Variants in MGAT4D observed in about 807,000 individuals in gnomAD.
MGAT4D encodes alpha-1,3-mannosyl-glycoprotein 4-beta-N-acetylglucosaminyltransferase-like protein MGAT4D.
A neutral mutation model predicts 15.9 loss-of-function variants in MGAT4D; 34 were observed. The ratio of observed to expected loss-of-function variants is 2.14; its 90% CI spans 1.62 to 2.84. MGAT4D has a LOEUF of 2.84. MGAT4D is among the 30% of genes most tolerant of loss of function. The probability of loss-of-function intolerance (pLI) is 0.00; values close to 1 mark genes in which losing one functional copy is unlikely to be tolerated. For missense variants in MGAT4D, 327 were observed against 140.2 expected, an observed-to-expected ratio of 2.33 and a Z score of -6.73; for synonymous variants, 112 against 48.2, an observed-to-expected ratio of 2.33 and a Z score of -5.49.
intron 8 of MGAT4D, chr4:140,459,043 G>T (rs1476183838): frequency 6.6e-6 from 1 of 152,112 alleles, no homozygotes; most frequent in East Asian, 1.9e-4. Context: ...ATAGTATTTG[G>T]AAATTTTCTG....
chr4:140,496,929 G>A lies in MGAT4D; in HGVS notation c.94+1200C>T, dbSNP rs550300939. Among the ~76,000 whole-genome samples the A allele has an allele frequency of 2.4e-4, 36 of 152,228 alleles. No individual in the cohort carries two copies. The South Asian group carries it at 7.5e-3, about 32-fold the overall frequency. On this transcript the variant is annotated intron_variant, in intron 1 of 10. Coordinates refer to ENST00000511113, the MANE Select transcript of MGAT4D (RefSeq NM_001277353.2). The stretch of plus-strand genomic sequence containing the variant: ...TATAAGTGTGCTTATTGTTCATTGT[G>A]CTAAAATAGACATTTGGATGATGTT...
At chr4:140,453,082 G>C (rs750852510) in intron 9 of MGAT4D, among the ~76,000 whole-genome samples, 3 of 152,074 alleles carry the variant, frequency 2.0e-5, no homozygotes, top group Non-Finnish European at 2.9e-5. Flanking sequence ...TTTCTGGACT[G>C]CCTATTCTGC....
intron 5 of MGAT4D, among the ~76,000 whole-genome samples, chr4:140,465,733 C>A (rs1731490583): frequency 6.6e-6 from 1 of 152,080 alleles, no homozygotes; most frequent in South Asian, 2.1e-4. Context: ...TTATTTTGTA[C>A]TACATAAAAA....
At chr4:140,464,332 G>A (rs936277463) in intron 6 of MGAT4D, among the ~76,000 whole-genome samples, 1 of 152,122 alleles carries the variant, frequency 6.6e-6, no homozygotes, top group African/African-American at 2.4e-5. Context: ...TCCTTTGTAT[G>A]TGTATAGAGC....
At chr4:140,450,670 T>C (rs1334079199) in intron 10 of MGAT4D, among the ~76,000 whole-genome samples, 1 of 152,196 alleles carries the variant, frequency 6.6e-6, no homozygotes, top group Non-Finnish European at 1.5e-5. Context: ...CTCATTCAGT[T>C]GACAAAGGAT....
chr4:140,491,889 A>G (rs1733525407), intron 1 of MGAT4D, among the ~76,000 whole-genome samples: 1 of 151,706 alleles, frequency 6.6e-6, no homozygotes. Context: ...CCACAAGGGA[A>G]GCACAAGAAA....
chr4:140,475,191 A>G (rs575543915), intron 3 of MGAT4D, among the ~76,000 whole-genome samples: 13 of 152,172 alleles, frequency 8.5e-5, no homozygotes, highest in Non-Finnish European at 1.8e-4. Flanking sequence ...TTCTTATGTT[A>G]AAAGATTTTG....
chr4:140,445,842 A>G (rs1025397786), intron 10 of MGAT4D, among the ~76,000 whole-genome samples: 2 of 151,998 alleles, frequency 1.3e-5, no homozygotes, highest in African/African-American at 2.4e-5. Context: ...ATGGCTGTAG[A>G]TGTGTGGCAT....
Position 140,467,782 on chromosome 4 carries a change from G to A in MGAT4D, c.573-2773C>T, listed in dbSNP as rs568213033. Among the ~76,000 whole-genome samples, 7 of 152,140 alleles carry A rather than the reference G, an allele frequency of 4.6e-5. No individual in the cohort carries two copies. The East Asian group carries it at 7.7e-4, about 17-fold the overall frequency. ...ATGATTTTACCTTATAGTCATACAA[G>A]AGTGGAAATCTTACAACTCTATAGG... On this transcript the variant is annotated intron_variant, in intron 5 of 10. Transcript: ENST00000511113.
At position 140,462,057 on chromosome 4, in the gene MGAT4D, A is replaced by G. The variant is rs1731224749; in HGVS notation, c.687-53T>C. 6 of 676,504 alleles carry G rather than the reference A, an allele frequency of 8.9e-6. No homozygotes were observed. The South Asian group carries it at 9.7e-5, about 11-fold the overall frequency. 41.9% of individuals were successfully genotyped at this position (676,504 alleles called of 1,614,324 possible). A position where few individuals can be genotyped will look rare whatever the true frequency, so the allele number is the denominator to read the frequency against. On this transcript the variant is annotated intron_variant, in intron 6 of 10. Transcript: ENST00000511113. ...TATTTGTCATTATTAATTTTTATTT[A>G]TAAGCATACTTTAGTAATTAAAAAA...
chr4:140,444,559 T>C (rs1160541240), intron 10 of MGAT4D, among the ~76,000 whole-genome samples: 2 of 152,240 alleles, frequency 1.3e-5, no homozygotes, highest in Non-Finnish European at 2.9e-5. Context: ...TCTCGTTCTT[T>C]TTTATGGCTG....
intron 2 of MGAT4D, among the ~76,000 whole-genome samples, chr4:140,480,861 A>G (rs1732670170): frequency 6.6e-6 from 1 of 151,938 alleles, no homozygotes; most frequent in Non-Finnish European, 1.5e-5. Context: ...CCTTGAGCTC[A>G]GGAGGTGGAG....
chr4:140,494,204 A>G (rs1733687740), intron 1 of MGAT4D, among the ~76,000 whole-genome samples: 1 of 152,312 alleles, frequency 6.6e-6, no homozygotes, highest in East Asian at 1.9e-4. Context: ...CTTAATTATC[A>G]TCTCCAGGTG....
chr4:140,482,525 A>G, intron 1 of MGAT4D, 40 bp from the exon 2 acceptor site: 1 of 573,174 alleles, frequency 1.7e-6, no homozygotes. Context: ...ACATGTAGCA[A>G]TGGTGTCACA....
At chr4:140,449,474 T>C (rs1350915961) in intron 10 of MGAT4D, among the ~76,000 whole-genome samples, 1 of 152,198 alleles carries the variant, frequency 6.6e-6, no homozygotes, top group African/African-American at 2.4e-5. Flanking sequence ...AAAAATTTTA[T>C]CATGGCCAGG....
chr4:140,462,356 T>C (rs1051292992), intron 6 of MGAT4D: 2 of 169,570 alleles, frequency 1.2e-5, no homozygotes, highest in Non-Finnish European at 1.3e-5. Context: ...CTTTTTTCAA[T>C]GTCTCTACTA....
intron 10 of MGAT4D, among the ~76,000 whole-genome samples, chr4:140,444,653 G>C (rs1342702883): frequency 6.6e-6 from 1 of 152,112 alleles, no homozygotes; most frequent in African/African-American, 2.4e-5. Context: ...CTGTGTCTTT[G>C]CTATTGTGAA....
At chr4:140,452,652 C>G (rs1179791602) in intron 9 of MGAT4D, among the ~76,000 whole-genome samples, 1 of 152,116 alleles carries the variant, frequency 6.6e-6, no homozygotes, top group African/African-American at 2.4e-5. Context: ...TATACATATA[C>G]TGAATACATG....
intron 7 of MGAT4D, 26 bp from the exon 8 acceptor site, chr4:140,459,652 T>A: frequency 2.4e-6 from 1 of 418,624 alleles, no homozygotes; most frequent in Non-Finnish European, 4.3e-6. Context: ...CAAAAAGACA[T>A]TAATATCTTT....
Sources: allele counts gnomAD v4.1 joint callset (sites outside exome capture counted in the v4.1 genomes callset), GRCh38; gene constraint gnomAD v4.1.1; transcripts MANE v1.5; gene names NCBI Gene and HGNC (gene_info 2026-07-23, HGNC 2026-07-21).